The following IL4I1 variants were observed in gnomAD, a reference collection of about 807,000 sequenced individuals.
The protein encoded by IL4I1 is L-amino-acid oxidase.
IL4I1 carries 24 observed loss-of-function variants against 29.7 expected under a neutral mutation model. That is an observed-to-expected ratio of 0.81 (90% CI 0.59 to 1.14). IL4I1 has a LOEUF of 1.14. IL4I1 is among the 50% of genes most tolerant of loss of function. The pLI is 0.00. For synonymous variants in IL4I1, 371 were observed against 352.5 expected (o/e 1.05, Z -0.59); for missense variants, 686 against 785.6 (o/e 0.87, Z 1.52).
chr19:49,898,670 C>G (rs1221525123), upstream of IL4I1, among the ~76,000 whole-genome samples: 1 of 152,150 alleles, frequency 6.6e-6, no homozygotes, highest in Admixed American at 6.6e-5. Flanking sequence ...GAGTTCAAGA[C>G]CAACCTGGCC....
chr19:49,891,710 C>T (rs182983677), intron 5 of IL4I1, among the ~76,000 whole-genome samples: 1 of 152,258 alleles, frequency 6.6e-6, no homozygotes, highest in African/African-American at 2.4e-5. Flanking sequence ...CCCCCTCATT[C>T]GGCTGGCCCG....
chr19:49,897,325 C>T (rs762044403), upstream of IL4I1, among the ~76,000 whole-genome samples: 3 of 152,170 alleles, frequency 2.0e-5, no homozygotes, highest in Non-Finnish European at 4.4e-5. Flanking sequence ...CCCCATGGTT[C>T]CACTTCCCTC....
chr19:49,921,791 G>A lies in IL4I1; in HGVS notation c.-228+5903C>T, dbSNP rs1349082595. On this transcript the variant is annotated intron_variant, in intron 2 of 9. Transcript: ENST00000341114. The surrounding 1 kb of genome is among the most constrained non-coding windows in gnomAD (Gnocchi z 5.4). ...GACCATGACCATCCATCCTATGAGT[G>A]CTGGCTGGGCTCAAGCCCGGGTACT... is the stretch of plus-strand genomic sequence containing the variant. 1.3e-5 allele frequency among the ~76,000 whole-genome samples: 2 copies of A among 152,220 alleles called. No individual in the cohort carries two copies. Among genetic ancestry groups the A allele is most frequent in the Non-Finnish European group, 2.9e-5 (2 of 68,028 alleles).
chr19:49,894,226 A>G (rs2075175291), intron 5 of IL4I1, 42 bp downstream of exon 5: 1 of 1,582,406 alleles, frequency 6.3e-7, no homozygotes, highest in Middle Eastern at 1.7e-4. Context: ...TAGGAGGAGG[A>G]CAGAGAAGTC....
chr19:49,909,618 T>G lies in IL4I1; in HGVS notation c.-227-5297A>C, dbSNP rs147601489. On this transcript the variant is annotated intron_variant, in intron 2 of 9. Transcript: ENST00000341114. Reference sequence around the variant, plus strand: ...GTCGTCTGTGTGGCCGGAGTCTGGGTGGCAAGTGAGAACAGGCCGGTGGAA... The same window carrying G: ...GTCGTCTGTGTGGCCGGAGTCTGGGGGGCAAGTGAGAACAGGCCGGTGGAA... 177 of 1,614,098 alleles carry G rather than the reference T, an allele frequency of 1.1e-4. 1 individual carries two copies. The African/African-American group carries it at 1.9e-3, about 17-fold the overall frequency.
At chr19:49,914,726 GT>G (rs530372497) in intron 2 of IL4I1, among the ~76,000 whole-genome samples, 5,179 of 56,408 alleles carry the variant, frequency 0.092, 518 homozygotes, top group South Asian at 0.19. Flanking sequence ...CCAAGTCCCA[GT>G]TTTTTTTTTT....
chr19:49,891,076 C>G lies in IL4I1; in HGVS notation c.668G>C (p.Arg223Pro), dbSNP rs200751228. ...EYLLGEGNLS[R>P]PAVQLLGDVM... ...GTCTCCCAGAAGCTGCACGGCCGGCCGGCTCAGGTTCCCCTCCCCGAGAAG... is the reference window on the plus strand; with the variant it reads ...GTCTCCCAGAAGCTGCACGGCCGGCGGGCTCAGGTTCCCCTCCCCGAGAAG... The change falls in exon 7 of 8, where the codon CGG becomes CCG. Residue 223 changes from arginine (R) to proline (P), a missense_variant. Physicochemically the swap from Arg to Pro is moderately radical, Grantham distance 103. Transcript: ENST00000391826. 1 of 1,613,516 alleles carries G rather than the reference C, an allele frequency of 6.2e-7. No individual in the cohort carries two copies. The highest frequency in any genetic ancestry group is 8.5e-7 in the Non-Finnish European group (1 of 1,179,916).
At chr19:49,916,184 C>T (rs949277675) in intron 2 of IL4I1, among the ~76,000 whole-genome samples, 22 of 152,268 alleles carry the variant, frequency 1.4e-4, no homozygotes, top group South Asian at 8.3e-4. Flanking sequence ...CAAGTCTTGA[C>T]ATTCTGCCTG....
chr19:49,905,057 A>G (rs1327952551), intron 2 of IL4I1, among the ~76,000 whole-genome samples: 1 of 152,178 alleles, frequency 6.6e-6, no homozygotes, highest in Non-Finnish European at 1.5e-5. Context: ...CATGTTGGCC[A>G]GGCTGGTCTC....
rs754267923 is a variant in IL4I1, at chr19:49,891,038, C to G, written c.706G>C (p.Asp236His). The G allele has an allele frequency of 6.2e-7, 1 of 1,612,870 alleles. No individual in the cohort carries two copies. ...VQLLGDVMSE[D>H]GFFYLSFAEA... ...GCGAAGCTGAGATAGAAGAAGCCATCCTCGGACATCACGTCTCCCAGAAGC... is the reference window on the plus strand; with the variant it reads ...GCGAAGCTGAGATAGAAGAAGCCATGCTCGGACATCACGTCTCCCAGAAGC... The change falls in exon 7 of 8, where the codon GAT becomes CAT. Residue 236 changes from aspartate to histidine, a missense_variant. By Grantham distance (81) the Asp-to-His change is moderately conservative. Transcript: ENST00000391826.
Position 49,891,120 on chromosome 19 carries a change from C to T in IL4I1, c.637-13G>A. 1 of 1,610,130 alleles carries T rather than the reference C, an allele frequency of 6.2e-7. No homozygotes were observed. The highest frequency in any genetic ancestry group is 1.1e-5 in the South Asian group (1 of 90,716). ...CGAGAAGATATTCCTGCAGGTTGGG[C>T]ACAGGCCGAGGTTAGGGCCCAGGCA... On this transcript the variant is annotated splice_polypyrimidine_tract_variant and intron_variant, in intron 6 of 7. Transcript: ENST00000391826.
chr19:49,904,442 T>C (rs2075297859), intron 2 of IL4I1: 1 of 151,890 alleles, frequency 6.6e-6, no homozygotes, highest in South Asian at 2.1e-4. Context: ...GTTGGGACCA[T>C]TTCTCACATG....
intron 2 of IL4I1, among the ~76,000 whole-genome samples, chr19:49,919,923 TA>T (rs1193814051): frequency 5.9e-5 from 9 of 151,826 alleles, no homozygotes; most frequent in Admixed American, 2.6e-4. Flanking sequence ...CCTACTGCAT[TA>T]AAAAAAAATT....
chr19:49,918,356 C>T (rs544567710), intron 2 of IL4I1, among the ~76,000 whole-genome samples: 1 of 152,298 alleles, frequency 6.6e-6, no homozygotes, highest in Non-Finnish European at 1.5e-5. Flanking sequence ...CGAGCCACCA[C>T]GTCCAGCGAG....
Position 49,896,084 on chromosome 19 carries a change from T to C in IL4I1, c.14-31A>G, listed in dbSNP as rs59409614. 4.6e-3 allele frequency: 7,363 copies of C among 1,602,582 alleles called. 245 individuals are homozygous for C. In the African/African-American group the frequency reaches 0.08, roughly 17 times the overall value. ...AGGAGGAGGACAGGGTCAACGGGGT[T>C]GTGGCAGGTCGGGGGAGAGGGGTTC... On this transcript the variant is annotated intron_variant, in intron 2 of 7. Coordinates refer to ENST00000391826, the MANE Select transcript of IL4I1 (RefSeq NM_152899.2).
intron 2 of IL4I1, among the ~76,000 whole-genome samples, chr19:49,914,741 T>G (rs1301214241): frequency 4.7e-5 from 6 of 127,654 alleles, no homozygotes; most frequent in African/African-American, 1.7e-4. Context: ...TTTTTTTTTT[T>G]TTTTTTTTTT....
In IL4I1 at chr19:49,896,062, A is replaced by G; in HGVS notation, c.14-9T>C. On this transcript the variant is annotated splice_polypyrimidine_tract_variant and intron_variant, in intron 2 of 7. Transcript: ENST00000391826. ...GACGAGGAGGTGCAGGGCTGGGAGGAGGAGGACAGGGTCAACGGGGTTGTG... is the reference window on the plus strand; with the variant it reads ...GACGAGGAGGTGCAGGGCTGGGAGGGGGAGGACAGGGTCAACGGGGTTGTG... 1 of 1,611,192 alleles carries G rather than the reference A, an allele frequency of 6.2e-7. No individual in the cohort carries two copies. Among genetic ancestry groups the G allele is most frequent in the Non-Finnish European group, 8.5e-7 (1 of 1,179,158 alleles).
intron 2 of IL4I1, among the ~76,000 whole-genome samples, chr19:49,914,887 G>A (rs1168152642): frequency 6.6e-6 from 1 of 151,536 alleles, no homozygotes; most frequent in Non-Finnish European, 1.5e-5. Flanking sequence ...TTACAGGCGT[G>A]CACCACCATG....
chr19:49,901,655 G>T, upstream of IL4I1: 1 of 1,530,540 alleles, frequency 6.5e-7, no homozygotes, highest in Non-Finnish European at 8.8e-7. Flanking sequence ...GCTGCCTCTG[G>T]GGGGCTCTCT....
Sources: allele counts gnomAD v4.1 joint callset (sites outside exome capture counted in the v4.1 genomes callset), GRCh38; gene constraint gnomAD v4.1.1; non-coding constraint Gnocchi (gnomAD v3.1); transcripts MANE v1.5; gene names NCBI Gene and HGNC (gene_info 2026-07-23, HGNC 2026-07-21).